Variants in IPMK observed in about 807,000 individuals in gnomAD.
The protein encoded by IPMK is inositol polyphosphate multikinase.
Under a neutral mutation model 45.8 loss-of-function variants are expected in IPMK, and 17 were observed. That is an observed-to-expected ratio of 0.37 (90% CI 0.25 to 0.56). IPMK has a LOEUF of 0.56. Among genes scored for constraint, IPMK ranks in the 20% least tolerant of loss-of-function variants. The pLI, the probability that IPMK is intolerant of heterozygous loss-of-function variation, is 0.79. For missense variants in IPMK, 399 were observed against 498.0 expected (o/e 0.80, Z 1.89); for synonymous variants, 180 against 184.3 (o/e 0.98, Z 0.19).
At chr10:58,243,234 G>GT (rs1320492948) in intron 1 of IPMK, among the ~76,000 whole-genome samples, 1 of 151,552 alleles carries the variant, frequency 6.6e-6, no homozygotes, top group African/African-American at 2.4e-5. Flanking sequence ...AAATGAAAGG[G>GT]TAAAAAAAAA....
chr10:58,200,357 G>A (rs540006131), intron 4 of IPMK, among the ~76,000 whole-genome samples: 2 of 152,180 alleles, frequency 1.3e-5, no homozygotes, highest in Admixed American at 6.5e-5. Context: ...GGCGTCAAAC[G>A]ATCCACCCGC....
chr10:58,214,486 GTTTGT>G (rs1360145350), intron 4 of IPMK, among the ~76,000 whole-genome samples: 17 of 152,244 alleles, frequency 1.1e-4, no homozygotes, highest in Middle Eastern at 3.4e-3. Context: ...TTTATTTCCT[GTTTGT>G]TTTAACTGTA....
chr10:58,216,802 T>C (rs1340421009), intron 3 of IPMK, among the ~76,000 whole-genome samples: 1 of 152,118 alleles, frequency 6.6e-6, no homozygotes, highest in Non-Finnish European at 1.5e-5. Context: ...ATGATGATAA[T>C]TGTCAAATAT....
At chr10:58,254,619 A>G (rs1008423654) in intron 1 of IPMK, among the ~76,000 whole-genome samples, 4 of 152,186 alleles carry the variant, frequency 2.6e-5, no homozygotes, top group Non-Finnish European at 4.4e-5. Context: ...CAATCCTTGC[A>G]TCTTTATGTT....
chr10:58,211,680 C>G (rs1265187991), intron 4 of IPMK, among the ~76,000 whole-genome samples: 1 of 151,024 alleles, frequency 6.6e-6, no homozygotes, highest in Non-Finnish European at 1.5e-5. Flanking sequence ...TGAACCTCAT[C>G]TGTACTAAAA....
chr10:58,231,322 G>A (rs568317640), intron 2 of IPMK, among the ~76,000 whole-genome samples: 54 of 152,142 alleles, frequency 3.5e-4, no homozygotes, highest in African/African-American at 9.9e-4. Flanking sequence ...CAGGAAATAC[G>A]GAGAATGCCA....
chr10:58,267,673 G>A lies in IPMK; in HGVS notation c.-62C>T, dbSNP rs1427908646. On this transcript the variant is annotated 5_prime_UTR_variant, in exon 1 of 6. Transcript: ENST00000373935. The stretch of plus-strand genomic sequence containing the variant: ...GAAAAAAAATAGGGCGAGGGAGGGG[G>A]CGCCGGAGAACCCGAGGGTCGCTCA... 2 of 1,029,974 alleles carry A rather than the reference G, an allele frequency of 1.9e-6. No homozygotes were observed. Among genetic ancestry groups the A allele is most frequent in the Non-Finnish European group, 1.5e-6 (1 of 678,864 alleles). 63.8% of individuals were successfully genotyped at this position (1,029,974 alleles called of 1,614,324 possible).
intron 2 of IPMK, among the ~76,000 whole-genome samples, chr10:58,235,379 C>A (rs1371525985): frequency 6.6e-6 from 1 of 152,164 alleles, no homozygotes; most frequent in African/African-American, 2.4e-5. Context: ...ATGTTTACTG[C>A]AGCACTATTC....
intron 1 of IPMK, 21 bp downstream of exon 1, chr10:58,267,401 A>G: frequency 6.2e-7 from 1 of 1,610,648 alleles, no homozygotes; most frequent in South Asian, 1.1e-5. Context: ...GAGCGGCGAG[A>G]CCTATGCCAC....
intron 4 of IPMK, among the ~76,000 whole-genome samples, chr10:58,203,886 T>G (rs905106382): frequency 2.0e-5 from 3 of 152,190 alleles, no homozygotes; most frequent in African/African-American, 7.2e-5. Flanking sequence ...TTCATTGCTG[T>G]CTTATTTTAA....
chr10:58,267,854 G>C lies in IPMK; in HGVS notation c.-243C>G. 1 of 468,660 alleles carries C rather than the reference G, an allele frequency of 2.1e-6. No homozygotes were observed. The highest frequency in any genetic ancestry group is 3.7e-6 in the Non-Finnish European group (1 of 266,880). The allele number at this position is 468,660 out of a possible 1,614,324, so 29.0% of individuals were successfully genotyped here. On this transcript the variant is annotated 5_prime_UTR_variant, in exon 1 of 6. Coordinates refer to ENST00000373935, the MANE Select transcript of IPMK (RefSeq NM_152230.5). ...CTGTTCCTCTGCCGCCGCAGCCGCC[G>C]GCCCCGGCGCTGCCCGGTAGACAGA...
rs751226300 is a variant in IPMK at position 58,237,736 on chromosome 10, T to C, written c.269A>G (p.Tyr90Cys). The stretch of plus-strand genomic sequence containing the variant: ...AAATCTTACCTCACTTACCATATTA[T>C]AGAATTCCAGCTCTCTTGGGCCCCT... ...PPRGPRELEF[Y>C]NMVYAADCFD... Residue 90 changes from tyrosine (Y) to cysteine (C), a missense_variant, in exon 2 of 6, where the codon TAT becomes TGT. Tyr to Cys is a radical substitution (Grantham distance 194, BLOSUM62 -2). Coordinates refer to ENST00000373935, the MANE Select transcript of IPMK (RefSeq NM_152230.5). 1 of 1,610,692 alleles carries C rather than the reference T, an allele frequency of 6.2e-7. No individual in the cohort carries two copies.
chr10:58,243,685 G>T (rs909976023), intron 1 of IPMK, among the ~76,000 whole-genome samples: 1 of 152,226 alleles, frequency 6.6e-6, no homozygotes, highest in Admixed American at 6.5e-5. Context: ...TGTTGCCCAG[G>T]CTGGAGTGCA....
At chr10:58,244,865 C>G (rs1464335236) in intron 1 of IPMK, among the ~76,000 whole-genome samples, 2 of 151,964 alleles carry the variant, frequency 1.3e-5, no homozygotes, top group Admixed American at 1.3e-4. Flanking sequence ...AGAGTCATCA[C>G]CACTCCCTAA....
At chr10:58,249,071 G>A (rs1192516075) in intron 1 of IPMK, among the ~76,000 whole-genome samples, 1 of 152,200 alleles carries the variant, frequency 6.6e-6, no homozygotes, top group Non-Finnish European at 1.5e-5. Flanking sequence ...GGATCATATG[G>A]TAGATTTATT....
intron 1 of IPMK, among the ~76,000 whole-genome samples, chr10:58,242,028 T>C (rs1177360346): frequency 6.6e-6 from 1 of 151,958 alleles, no homozygotes; most frequent in African/African-American, 2.4e-5. Flanking sequence ...TTCAGTTTGC[T>C]ACAGTCCTAC....
At position 58,246,864 on chromosome 10, in the gene IPMK, A is replaced by C. The variant is rs1316766947; in HGVS notation, c.191-9050T>G. ...AAAGACACTACCATCAGAGTGAACAAGCAACCTACAAAATGGGAGAAAATT... is the reference window on the plus strand; with the variant it reads ...AAAGACACTACCATCAGAGTGAACACGCAACCTACAAAATGGGAGAAAATT... On this transcript the variant is annotated intron_variant, in intron 1 of 5. Coordinates refer to ENST00000373935, the MANE Select transcript of IPMK (RefSeq NM_152230.5). Among the ~76,000 whole-genome samples the C allele has an allele frequency of 2.0e-5, 3 of 151,644 alleles. No individual in the cohort carries two copies. In the East Asian group the frequency reaches 5.8e-4, roughly 29 times the overall value.
intron 3 of IPMK, among the ~76,000 whole-genome samples, chr10:58,221,149 T>C (rs910253676): frequency 4.6e-5 from 7 of 152,188 alleles, no homozygotes; most frequent in South Asian, 2.1e-4. Context: ...GTAATAAACC[T>C]ACTTATTACA....
At chr10:58,229,562 CAAA>C (rs574403627) in intron 2 of IPMK, among the ~76,000 whole-genome samples, 3 of 72,950 alleles carry the variant, frequency 4.1e-5, no homozygotes, top group Admixed American at 1.5e-4. Context: ...GACCACGTCT[CAAA>C]AAAAAAAAAA....
Sources: allele counts gnomAD v4.1 joint callset (sites outside exome capture counted in the v4.1 genomes callset), GRCh38; gene constraint gnomAD v4.1.1; transcripts MANE v1.5; gene names NCBI Gene and HGNC (gene_info 2026-07-23, HGNC 2026-07-21).